FHIT: variants seen among roughly 807,000 people sequenced by gnomAD.
FHIT encodes fragile histidine triad diadenosine triphosphatase, also known as bis(5'-adenosyl)-triphosphatase.
FHIT carries 19 observed loss-of-function variants against 17.9 expected under a neutral mutation model. That is an observed-to-expected ratio of 1.06 (90% CI 0.74 to 1.56). The LOEUF (loss-of-function observed/expected upper bound fraction) is 1.56. Among genes scored for constraint, FHIT ranks in the 40% most tolerant of loss-of-function variants. The pLI, the probability that FHIT is intolerant of heterozygous loss-of-function variation, is 0.00. For synonymous variants in FHIT, 81 were observed against 69.7 expected (o/e 1.16, Z -0.81); for missense variants, 248 against 189.2 (o/e 1.31, Z -1.82).
At chr3:60,842,643 ATATTTTT>A (rs1702775285) in intron 3 of FHIT, among the ~76,000 whole-genome samples, 1 of 48,256 alleles carries the variant, frequency 2.1e-5, no homozygotes, top group African/African-American at 5.6e-5. Context: ...ATATATATAT[ATATTTTT>A]TTTTTTTTTT....
chr3:59,761,951 T>G (rs1701539067), intron 8 of FHIT, among the ~76,000 whole-genome samples: 1 of 152,178 alleles, frequency 6.6e-6, no homozygotes, highest in Non-Finnish European at 1.5e-5. Context: ...AACTTTCACC[T>G]TTTCTCTTAA....
chr3:61,026,049 A>T (rs2032714852), intron 3 of FHIT, among the ~76,000 whole-genome samples: 1 of 152,256 alleles, frequency 6.6e-6, no homozygotes, highest in African/African-American at 2.4e-5. Context: ...GGGTGATAGG[A>T]TCATACATCA....
chr3:60,288,309 T>C (rs1285788805), intron 5 of FHIT, among the ~76,000 whole-genome samples: 2 of 152,096 alleles, frequency 1.3e-5, no homozygotes, highest in South Asian at 2.1e-4. Context: ...AGAGATAACA[T>C]AATACAAGGT....
intron 4 of FHIT, among the ~76,000 whole-genome samples, chr3:60,577,718 A>G (rs2037616897): frequency 6.6e-6 from 1 of 152,094 alleles, no homozygotes; most frequent in Non-Finnish European, 1.5e-5. Context: ...TATTAAATGA[A>G]TATATACAAC....
chr3:60,932,403 A>G (rs540945622), intron 3 of FHIT, among the ~76,000 whole-genome samples: 2 of 151,890 alleles, frequency 1.3e-5, no homozygotes, highest in African/African-American at 4.8e-5. Context: ...TTCCTTACTG[A>G]TCTCTACAGA....
intron 7 of FHIT, among the ~76,000 whole-genome samples, chr3:59,965,566 C>T (rs1181745955): frequency 6.6e-6 from 1 of 152,074 alleles, no homozygotes; most frequent in African/African-American, 2.4e-5. Context: ...TTAACAAATC[C>T]ATGAGTGATC....
intron 5 of FHIT, among the ~76,000 whole-genome samples, chr3:60,260,086 G>A (rs993252277): frequency 5.3e-5 from 8 of 152,042 alleles, no homozygotes; most frequent in African/African-American, 1.9e-4. Flanking sequence ...ATATTTAAAC[G>A]CCAGTGAACA....
intron 5 of FHIT, among the ~76,000 whole-genome samples, chr3:60,173,918 T>G (rs200056269): frequency 2.1e-5 from 1 of 46,870 alleles, no homozygotes; most frequent in African/African-American, 1.2e-4. Context: ...TATATATATG[T>G]TTTTTTTTTT....
chr3:59,904,189 C>A (rs1575671246), intron 8 of FHIT, among the ~76,000 whole-genome samples: 1 of 139,778 alleles, frequency 7.2e-6, no homozygotes, highest in African/African-American at 2.6e-5. Flanking sequence ...TTCATCAACA[C>A]CTAACAAAAG....
intron 5 of FHIT, among the ~76,000 whole-genome samples, chr3:60,024,797 C>T (rs138427185): frequency 1.7e-3 from 258 of 152,312 alleles, no homozygotes; most frequent in African/African-American, 5.2e-3. Context: ...AGAGTGCAGG[C>T]CCTTGATAGC....
At chr3:61,011,766 A>G (rs1227525335) in intron 3 of FHIT, among the ~76,000 whole-genome samples, 1 of 152,180 alleles carries the variant, frequency 6.6e-6, no homozygotes, top group East Asian at 1.9e-4. Flanking sequence ...AAAAAGTCCC[A>G]TGAGAGCAAA....
rs920361734 is a variant in FHIT, at chr3:60,158,419, C to T, written c.104-144267G>A. ...CTCCGCTTCCAGGGTTCAAACAATT[C>T]TCCTGCCTCAGCCTCCTGAGTAACT... On this transcript the variant is annotated intron_variant, in intron 5 of 9. Transcript: ENST00000492590. 3.3e-5 allele frequency among the ~76,000 whole-genome samples: 5 copies of T among 152,126 alleles called. No homozygotes were observed. The East Asian group carries it at 9.7e-4, about 29-fold the overall frequency.
At chr3:60,430,324 A>C (rs1576640423) in intron 5 of FHIT, among the ~76,000 whole-genome samples, 2 of 152,106 alleles carry the variant, frequency 1.3e-5, no homozygotes, top group African/African-American at 4.8e-5. Flanking sequence ...TTTCTGAACA[A>C]ACATTACCTT....
At chr3:60,268,320 G>C (rs902377668) in intron 5 of FHIT, among the ~76,000 whole-genome samples, 1 of 152,150 alleles carries the variant, frequency 6.6e-6, no homozygotes, top group African/African-American at 2.4e-5. Flanking sequence ...TCTCAGATTA[G>C]ATTACTAACA....
chr3:60,985,523 A>T (rs192237953), intron 3 of FHIT, among the ~76,000 whole-genome samples: 6 of 152,326 alleles, frequency 3.9e-5, no homozygotes, highest in Admixed American at 3.9e-4. Context: ...GTTGAAAAAA[A>T]CAAGCATGTG....
At chr3:60,926,461 G>T (rs1247178180) in intron 3 of FHIT, among the ~76,000 whole-genome samples, 1 of 152,178 alleles carries the variant, frequency 6.6e-6, no homozygotes, top group Non-Finnish European at 1.5e-5. Flanking sequence ...TGACTACTGG[G>T]TACGTCGCGA....
At chr3:59,791,254 A>G (rs1423486963) in intron 8 of FHIT, among the ~76,000 whole-genome samples, 1 of 152,108 alleles carries the variant, frequency 6.6e-6, no homozygotes, top group Non-Finnish European at 1.5e-5. Context: ...TGGCTCAGCA[A>G]TGATCCTGTA....
chr3:60,224,702 T>TTTTTATTTTATTTCA (rs1704111531), intron 5 of FHIT, among the ~76,000 whole-genome samples: 1 of 142,300 alleles, frequency 7.0e-6, no homozygotes, highest in African/African-American at 2.7e-5. Context: ...CTCACCAGGA[T>TTTTTATTTTATTTCA]TTTTATTTTA....
At chr3:61,201,956 A>G (rs886642977) in intron 1 of FHIT, among the ~76,000 whole-genome samples, 7 of 149,746 alleles carry the variant, frequency 4.7e-5, no homozygotes, top group Admixed American at 2.6e-4. Context: ...GTATGTGTGT[A>G]TATATATGTG....
Sources: allele counts gnomAD v4.1 joint callset (sites outside exome capture counted in the v4.1 genomes callset), GRCh38; gene constraint gnomAD v4.1.1; transcripts MANE v1.5; gene names NCBI Gene and HGNC (gene_info 2026-07-23, HGNC 2026-07-21).